The following LRRC7 variants were observed in gnomAD, a reference collection of about 807,000 sequenced individuals.
LRRC7 encodes the protein leucine rich repeat containing 7.
Under a neutral mutation model 175.7 loss-of-function variants are expected in LRRC7, and 23 were observed. The observed-to-expected ratio is 0.13, with a 90% CI of 0.09 to 0.19. The LOEUF is 0.19. LRRC7 is among the 10% of genes least tolerant of loss of function. The pLI, the probability that LRRC7 is intolerant of heterozygous loss-of-function variation, is 1.00. For missense variants in LRRC7, 1,354 were observed against 1,904.7 expected (o/e 0.71, Z 5.38); for synonymous variants, 685 against 680.9 (o/e 1.01, Z -0.09).
At chr1:70,017,361 CAG>C (rs572698155) in intron 14 of LRRC7, among the ~76,000 whole-genome samples, 2 of 151,396 alleles carry the variant, frequency 1.3e-5, no homozygotes, top group Non-Finnish European at 2.9e-5. Flanking sequence ...CTCTTGAAAA[CAG>C]ATTTTAATTG....
chr1:69,629,298 G>A (rs1652106482), intron 1 of LRRC7, among the ~76,000 whole-genome samples: 1 of 152,120 alleles, frequency 6.6e-6, no homozygotes, highest in Non-Finnish European at 1.5e-5. Flanking sequence ...AGCAAAAGAT[G>A]TGGACAGATA....
chr1:69,656,608 T>C (rs1035110939), intron 1 of LRRC7, among the ~76,000 whole-genome samples: 3 of 152,160 alleles, frequency 2.0e-5, no homozygotes, highest in South Asian at 2.1e-4. Context: ...TAGTTAAAAC[T>C]GCAGGTGTTA....
At chr1:69,917,069 A>T (rs562436917) in intron 7 of LRRC7, among the ~76,000 whole-genome samples, 1 of 152,312 alleles carries the variant, frequency 6.6e-6, no homozygotes, top group East Asian at 1.9e-4. Context: ...ACAATTTTAC[A>T]TGTATAATGT....
intron 1 of LRRC7, among the ~76,000 whole-genome samples, chr1:69,667,918 T>C (rs1490565724): frequency 6.6e-6 from 1 of 152,196 alleles, no homozygotes; most frequent in Non-Finnish European, 1.5e-5. Flanking sequence ...TTAGTGAAGG[T>C]AATTTTCTCT....
At chr1:69,903,603 G>C (rs1646204751) in intron 7 of LRRC7, among the ~76,000 whole-genome samples, 1 of 152,048 alleles carries the variant, frequency 6.6e-6, no homozygotes, top group African/African-American at 2.4e-5. Flanking sequence ...AAGAACTAGA[G>C]AAGCAAGAGC....
chr1:70,057,452 G>A (rs574219207), intron 23 of LRRC7, among the ~76,000 whole-genome samples: 2 of 152,290 alleles, frequency 1.3e-5, no homozygotes, highest in East Asian at 1.9e-4. Context: ...CAGTTGTCAC[G>A]GAGTGAGCAG....
At chr1:69,570,086 T>C (rs1645677406) in intron 1 of LRRC7, among the ~76,000 whole-genome samples, 1 of 152,086 alleles carries the variant, frequency 6.6e-6, no homozygotes, top group South Asian at 2.1e-4. Flanking sequence ...GTGGCTCTCC[T>C]GGTGGATGAA....
intron 1 of LRRC7, among the ~76,000 whole-genome samples, chr1:69,627,936 C>T (rs2100357474): frequency 6.6e-6 from 1 of 151,864 alleles, no homozygotes; most frequent in East Asian, 1.9e-4. Context: ...TTACAAATAC[C>T]ACAGTTTACA....
chr1:70,005,964 AAAAAT>A (rs1373913613), intron 11 of LRRC7, among the ~76,000 whole-genome samples: 1 of 152,192 alleles, frequency 6.6e-6, no homozygotes, highest in Non-Finnish European at 1.5e-5. Flanking sequence ...AAGCATCTGA[AAAAAT>A]AAAGGTAACC....
rs532680331 is a variant in LRRC7, at chr1:70,012,482, A to T, written c.1135-492A>T. 4.6e-5 allele frequency among the ~76,000 whole-genome samples: 7 copies of T among 151,992 alleles called. No homozygotes were observed. In the East Asian group the frequency reaches 1.4e-3, roughly 29 times the overall value. On this transcript the variant is annotated intron_variant, in intron 12 of 26. Transcript: ENST00000651989. Reference sequence around the variant, plus strand: ...ATTTTCAATTGAGCATTTTCTACTAAACATTCTTATAATGATGCAACAATA... The same window carrying T: ...ATTTTCAATTGAGCATTTTCTACTATACATTCTTATAATGATGCAACAATA...
chr1:69,577,968 G>T (rs946026116), intron 1 of LRRC7, among the ~76,000 whole-genome samples: 5 of 152,034 alleles, frequency 3.3e-5, no homozygotes, highest in Admixed American at 2.6e-4. Context: ...AATTACCTTG[G>T]GCATTATGGC....
At chr1:69,754,735 T>C (rs1028580131) in intron 2 of LRRC7, among the ~76,000 whole-genome samples, 2 of 152,044 alleles carry the variant, frequency 1.3e-5, no homozygotes, top group African/African-American at 4.8e-5. Context: ...ATTATGCCAA[T>C]TATGTGCATG....
intron 7 of LRRC7, among the ~76,000 whole-genome samples, chr1:69,924,219 T>G (rs1164794771): frequency 1.3e-5 from 2 of 152,134 alleles, no homozygotes; most frequent in East Asian, 3.8e-4. Context: ...TGTAGTATAG[T>G]TTGAAGTCAG....
At chr1:69,663,340 A>G (rs1322282492) in intron 1 of LRRC7, among the ~76,000 whole-genome samples, 1 of 152,102 alleles carries the variant, frequency 6.6e-6, no homozygotes, top group East Asian at 1.9e-4. Flanking sequence ...TTTAATTTTA[A>G]TTTTTAAGGA....
intron 2 of LRRC7, among the ~76,000 whole-genome samples, chr1:69,711,362 A>C (rs916261062): frequency 6.6e-6 from 1 of 152,200 alleles, no homozygotes; most frequent in African/African-American, 2.4e-5. Flanking sequence ...CTAAATAATC[A>C]ATGACTGTTA....
chr1:70,041,022 G>A (rs1348985537), intron 21 of LRRC7, among the ~76,000 whole-genome samples: 1 of 152,170 alleles, frequency 6.6e-6, no homozygotes, highest in Non-Finnish European at 1.5e-5. Context: ...AGGGCTTAAT[G>A]TGCTCTGCAT....
At chr1:69,643,160 CT>C (rs558553083) in intron 1 of LRRC7, among the ~76,000 whole-genome samples, 13 of 152,088 alleles carry the variant, frequency 8.5e-5, no homozygotes, top group Non-Finnish European at 1.8e-4. Context: ...AGCATTGGAT[CT>C]TCATCTGTCT....
chr1:70,090,490 G>C (rs191815688), intron 25 of LRRC7, among the ~76,000 whole-genome samples: 4 of 151,950 alleles, frequency 2.6e-5, no homozygotes, highest in African/African-American at 9.7e-5. Flanking sequence ...CCTGCCTGAC[G>C]CCGATGTGAA....
chr1:69,837,746 T>C (rs994754110), intron 6 of LRRC7, among the ~76,000 whole-genome samples: 5 of 151,676 alleles, frequency 3.3e-5, no homozygotes, highest in Non-Finnish European at 7.4e-5. Flanking sequence ...AATCCAAAGA[T>C]ATCTTTAAAA....
Sources: allele counts gnomAD v4.1 joint callset (sites outside exome capture counted in the v4.1 genomes callset), GRCh38; gene constraint gnomAD v4.1.1; transcripts MANE v1.5; gene names NCBI Gene and HGNC (gene_info 2026-07-23, HGNC 2026-07-21).